MCTP2: variants seen among roughly 807,000 people sequenced by gnomAD.
MCTP2 encodes the protein multiple C2 and transmembrane domain-containing protein 2.
Under a neutral mutation model 111.6 loss-of-function variants are expected in MCTP2, and 132 were observed. That is an observed-to-expected ratio of 1.18 (90% CI 1.03 to 1.37). The LOEUF (loss-of-function observed/expected upper bound fraction) is 1.37, where lower values mean the gene tolerates loss of function less well. MCTP2 is among the 40% of genes most tolerant of loss of function. The probability of loss-of-function intolerance (pLI) is 0.00; values close to 1 mark genes in which losing one functional copy is unlikely to be tolerated. For missense variants in MCTP2, 1,183 were observed against 1,067.9 expected (o/e 1.11, Z -1.50); for synonymous variants, 395 against 387.7 (o/e 1.02, Z -0.22).
At chr15:94,468,630 A>G (rs371094500) in intron 20 of MCTP2, among the ~76,000 whole-genome samples, 1 of 152,174 alleles carries the variant, frequency 6.6e-6, no homozygotes, top group African/African-American at 2.4e-5. Flanking sequence ...ATTAAAAACA[A>G]TAACACTCAG....
chr15:94,401,872 T>C, intron 16 of MCTP2, 28 bp from the exon 17 acceptor site: 1 of 1,581,322 alleles, frequency 6.3e-7, no homozygotes, highest in Non-Finnish European at 8.6e-7. Context: ...TTAAATCTAG[T>C]TTCCTGTTTG....
chr15:94,455,815 G>A (rs543424673), intron 19 of MCTP2, among the ~76,000 whole-genome samples: 11 of 152,186 alleles, frequency 7.2e-5, no homozygotes, highest in African/African-American at 2.2e-4. Context: ...TAACAATTTC[G>A]TGCAATATTA....
chr15:94,415,032 G>T (rs1015546331), intron 17 of MCTP2, among the ~76,000 whole-genome samples: 1 of 152,008 alleles, frequency 6.6e-6, no homozygotes, highest in African/African-American at 2.4e-5. Flanking sequence ...CATGAATAAT[G>T]CCTTCTATGT....
At chr15:94,374,329 A>G (rs1386063456) in intron 12 of MCTP2, among the ~76,000 whole-genome samples, 1 of 152,226 alleles carries the variant, frequency 6.6e-6, no homozygotes, top group Non-Finnish European at 1.5e-5. Context: ...TATGTTACCC[A>G]TTGAGAGAGA....
At chr15:94,415,785 T>A (rs892433134) in intron 17 of MCTP2, among the ~76,000 whole-genome samples, 2 of 152,074 alleles carry the variant, frequency 1.3e-5, no homozygotes, top group African/African-American at 4.8e-5. Flanking sequence ...TGAAAAAAGA[T>A]CTCCTCTCTG....
chr15:94,466,882 A>ATGATAAAGTCTATTCCTT (rs1466605037), intron 20 of MCTP2, among the ~76,000 whole-genome samples: 2 of 152,142 alleles, frequency 1.3e-5, no homozygotes, highest in East Asian at 1.9e-4. Context: ...TAGAAAAGGA[A>ATGATAAAGTCTATTCCTT]TGATAAAGTC....
intron 15 of MCTP2, chr15:94,399,489 C>T (rs901530263): frequency 1.8e-5 from 3 of 169,942 alleles, no homozygotes; most frequent in African/African-American, 4.8e-5. Context: ...CTTATTTTTC[C>T]GGGTCATTGA....
chr15:94,330,394 G>T (rs1437796767), intron 4 of MCTP2, among the ~76,000 whole-genome samples: 1 of 151,944 alleles, frequency 6.6e-6, no homozygotes, highest in Non-Finnish European at 1.5e-5. Context: ...TGTATGCTTT[G>T]GTAATAATGG....
intron 4 of MCTP2, among the ~76,000 whole-genome samples, chr15:94,331,086 C>G (rs1325987721): frequency 2.0e-5 from 3 of 152,188 alleles, no homozygotes; most frequent in African/African-American, 7.2e-5. Context: ...GTTCAATCAT[C>G]TATTCAACCA....
intron 18 of MCTP2, among the ~76,000 whole-genome samples, chr15:94,441,216 T>TG (rs1202895372): frequency 6.6e-6 from 1 of 152,168 alleles, no homozygotes; most frequent in Non-Finnish European, 1.5e-5. Flanking sequence ...GGAAGGAAGG[T>TG]GGGAAAAATG....
chr15:94,253,731 CTCTT>C (rs1465325674), intron 1 of MCTP2, among the ~76,000 whole-genome samples: 2 of 145,964 alleles, frequency 1.4e-5, no homozygotes, highest in African/African-American at 5.1e-5. Flanking sequence ...CTTAAAGTCT[CTCTT>C]TTTTTTTTTA....
rs952462577 is a variant in MCTP2 at position 94,372,885 on chromosome 15, A to G, written c.1582+2705A>G. ...CTTTCGTTCTTTCTGCTTTTCTTTT[A>G]TCATATGTTTTTATTTTGTGGTAAT... On this transcript the variant is annotated intron_variant, in intron 12 of 22. Coordinates refer to ENST00000357742, the MANE Select transcript of MCTP2 (RefSeq NM_001385001.1). 9.2e-5 allele frequency among the ~76,000 whole-genome samples: 14 copies of G among 152,278 alleles called. No homozygotes were observed. The East Asian group carries it at 2.7e-3, about 29-fold the overall frequency.
chr15:94,385,865 AAC>A (rs538038087), intron 14 of MCTP2, among the ~76,000 whole-genome samples: 218 of 152,328 alleles, frequency 1.4e-3, no homozygotes, highest in African/African-American at 4.8e-3. Context: ...ATTAATGAAA[AAC>A]ACACATGTAT....
At chr15:94,379,337 G>A (rs1386360513) in intron 12 of MCTP2, among the ~76,000 whole-genome samples, 1 of 152,092 alleles carries the variant, frequency 6.6e-6, no homozygotes, top group Non-Finnish European at 1.5e-5. Flanking sequence ...CAATTAAAAT[G>A]TGCTCCAATA....
At position 94,479,274 on chromosome 15, in the gene MCTP2, G is replaced by C. The variant is rs2074608581; in HGVS notation, c.*240G>C. On this transcript the variant is annotated 3_prime_UTR_variant, in exon 23 of 23. Transcript: ENST00000357742. The stretch of plus-strand genomic sequence containing the variant: ...CGAAAAGCAACAACCCCAAGACTGT[G>C]AAAGACTAACATCCATTCTGAAATA... 1 of 532,674 alleles carries C rather than the reference G, an allele frequency of 1.9e-6. No homozygotes were observed. Among genetic ancestry groups the C allele is most frequent in the Admixed American group, 3.1e-5 (1 of 32,754 alleles). The allele number at this position is 532,674 out of a possible 1,614,324, so 33.0% of individuals were successfully genotyped here. A position where few individuals can be genotyped will look rare whatever the true frequency, so the allele number is the denominator to read the frequency against.
At chr15:94,256,730 G>T (rs2072795412) in intron 1 of MCTP2, among the ~76,000 whole-genome samples, 1 of 152,166 alleles carries the variant, frequency 6.6e-6, no homozygotes, top group Admixed American at 6.5e-5. Context: ...ACAGGCAGTG[G>T]TTAATGTGAG....
At chr15:94,310,936 T>A (rs901664138) in intron 2 of MCTP2, among the ~76,000 whole-genome samples, 1 of 151,450 alleles carries the variant, frequency 6.6e-6, no homozygotes, top group Non-Finnish European at 1.5e-5. Flanking sequence ...AGGGAGACCT[T>A]GTCTCAAAAA....
intron 21 of MCTP2, among the ~76,000 whole-genome samples, chr15:94,474,068 T>G (rs772127097): frequency 6.6e-6 from 1 of 152,196 alleles, no homozygotes. Flanking sequence ...ATGTTATTCT[T>G]CAGTATTTTA....
intron 20 of MCTP2, among the ~76,000 whole-genome samples, 163 bp from the exon 21 acceptor site, chr15:94,470,170 C>T (rs1208450967): frequency 6.6e-6 from 1 of 152,104 alleles, no homozygotes; most frequent in African/African-American, 2.4e-5. Flanking sequence ...TTCCAGTACC[C>T]AATCATTTTG....
Sources: allele counts gnomAD v4.1 joint callset (sites outside exome capture counted in the v4.1 genomes callset), GRCh38; gene constraint gnomAD v4.1.1; transcripts MANE v1.5; gene names NCBI Gene and HGNC (gene_info 2026-07-23, HGNC 2026-07-21).